The following HOMER2 variants were observed in gnomAD, a reference collection of about 807,000 sequenced individuals.
HOMER2 encodes homer protein homolog 2.
HOMER2 carries 27 observed loss-of-function variants against 47.0 expected under a neutral mutation model. The ratio of observed to expected loss-of-function variants is 0.57; its 90% CI spans 0.42 to 0.79. HOMER2 has a LOEUF of 0.79. HOMER2 is among the 30% of genes least tolerant of loss of function. The pLI, the probability that HOMER2 is intolerant of heterozygous loss-of-function variation, is 0.00. For missense variants in HOMER2, 443 were observed against 435.0 expected, an observed-to-expected ratio of 1.02 and a Z score of -0.16; for synonymous variants, 161 against 163.8, an observed-to-expected ratio of 0.98 and a Z score of 0.13.
chr15:82,984,914 G>A (rs182147145), intron 1 of HOMER2, among the ~76,000 whole-genome samples: 1 of 152,272 alleles, frequency 6.6e-6, no homozygotes, highest in East Asian at 1.9e-4. Flanking sequence ...TTTAATAGGG[G>A]GAAAGACTTG....
At chr15:82,868,541 A>ATT (rs10678643) in intron 3 of HOMER2, among the ~76,000 whole-genome samples, 19 of 71,264 alleles carry the variant, frequency 2.7e-4, no homozygotes, top group African/African-American at 8.0e-4. Context: ...ATATATATAT[A>ATT]TTTTTTTTTT....
chr15:82,858,929 T>C, intron 5 of HOMER2, 100 bp downstream of exon 5: 1 of 1,408,990 alleles, frequency 7.1e-7, no homozygotes, highest in Non-Finnish European at 9.6e-7. Context: ...CAGGTCCCAG[T>C]TTTCTCTCCC....
At chr15:82,856,779 TCAGATCACA>T (rs2051602113) in intron 5 of HOMER2, among the ~76,000 whole-genome samples, 1 of 152,072 alleles carries the variant, frequency 6.6e-6, no homozygotes, top group South Asian at 2.1e-4. Context: ...AATTCCTAGG[TCAGATCACA>T]GCCGGGCCAG....
chr15:82,924,262 G>C (rs2053803305), intron 1 of HOMER2, among the ~76,000 whole-genome samples: 2 of 151,982 alleles, frequency 1.3e-5, no homozygotes, highest in African/African-American at 4.8e-5. Flanking sequence ...GGATCTTCTA[G>C]AGTTTATTCT....
At chr15:82,980,408 G>A (rs1223243380) in intron 1 of HOMER2, among the ~76,000 whole-genome samples, 1 of 152,098 alleles carries the variant, frequency 6.6e-6, no homozygotes, top group African/African-American at 2.4e-5. Context: ...TGTTTACCCT[G>A]ACCTGCCTTT....
rs1343178685 is a variant in HOMER2, at chr15:82,952,603, C to G, written c.-68G>C. On this transcript the variant is annotated 5_prime_UTR_variant, in exon 1 of 9. Transcript: ENST00000450735. ...GCTCGCTCTCCGCCCGCTCGGCAGCCGCTCCCCGCGCGGCACATGCGGCGG... is the reference window on the plus strand; with the variant it reads ...GCTCGCTCTCCGCCCGCTCGGCAGCGGCTCCCCGCGCGGCACATGCGGCGG... 24 of 1,104,164 alleles carry G rather than the reference C, an allele frequency of 2.2e-5. No homozygotes were observed. Among genetic ancestry groups the G allele is most frequent in the Non-Finnish European group, 2.4e-5 (22 of 907,298 alleles). The allele number at this position is 1,104,164 out of a possible 1,614,324, so 68.4% of individuals were successfully genotyped here.
chr15:82,925,101 G>T (rs1014288285), intron 1 of HOMER2, among the ~76,000 whole-genome samples: 1 of 152,140 alleles, frequency 6.6e-6, no homozygotes, highest in African/African-American at 2.4e-5. Context: ...GTCATCTCAG[G>T]CCTTAAGGAA....
At chr15:82,857,107 C>T (rs144034951) in intron 5 of HOMER2, among the ~76,000 whole-genome samples, 22 of 151,512 alleles carry the variant, frequency 1.5e-4, no homozygotes, top group African/African-American at 4.8e-4. Context: ...TCTTAGGAGG[C>T]GGGGGGGCGG....
At chr15:82,896,313 GAGA>G (rs2052916762) in intron 1 of HOMER2, among the ~76,000 whole-genome samples, 1 of 152,182 alleles carries the variant, frequency 6.6e-6, no homozygotes, top group African/African-American at 2.4e-5. Context: ...ACAGGGAGCC[GAGA>G]AGATGGCAGA....
intron 1 of HOMER2, chr15:82,926,683 C>T (rs1413078494): frequency 6.6e-6 from 1 of 152,054 alleles, no homozygotes; most frequent in Non-Finnish European, 1.5e-5. Context: ...GCAAGACTGT[C>T]TTCAAAAAGA....
chr15:82,855,651 G>C (rs111276536), intron 5 of HOMER2, among the ~76,000 whole-genome samples: 77 of 152,354 alleles, frequency 5.1e-4, no homozygotes, highest in African/African-American at 1.8e-3. Context: ...AGACAGGAGA[G>C]AGTGACCAGG....
At chr15:82,949,009 G>T (rs751932588) in intron 1 of HOMER2, among the ~76,000 whole-genome samples, 9 of 152,214 alleles carry the variant, frequency 5.9e-5, no homozygotes, top group Non-Finnish European at 8.8e-5. Flanking sequence ...ATGCACTCCA[G>T]ATATATCCCG....
intron 1 of HOMER2, among the ~76,000 whole-genome samples, chr15:82,960,128 T>A (rs765033276): frequency 6.6e-6 from 1 of 151,632 alleles, no homozygotes; most frequent in Non-Finnish European, 1.5e-5. Context: ...TAGGGATGAG[T>A]TAAGAAAATG....
At chr15:82,868,475 A>AT (rs2052051150) in intron 3 of HOMER2, among the ~76,000 whole-genome samples, 1 of 138,794 alleles carries the variant, frequency 7.2e-6, no homozygotes, top group African/African-American at 2.7e-5. Context: ...AAAAATATAT[A>AT]TTTTTTAACT....
chr15:82,870,162 G>C (rs550047009), intron 3 of HOMER2, among the ~76,000 whole-genome samples: 2 of 152,276 alleles, frequency 1.3e-5, no homozygotes, highest in East Asian at 3.9e-4. Flanking sequence ...ACTACTGTTT[G>C]TTTATTCAAA....
intron 1 of HOMER2, among the ~76,000 whole-genome samples, chr15:82,908,095 G>A (rs2053340690): frequency 6.6e-6 from 1 of 151,966 alleles, no homozygotes. Flanking sequence ...TCCAAGCACA[G>A]GAAGCCAGGG....
chr15:82,962,390 C>G (rs949932586), intron 1 of HOMER2, among the ~76,000 whole-genome samples: 1 of 145,108 alleles, frequency 6.9e-6, no homozygotes, highest in African/African-American at 2.6e-5. Context: ...AAAAAAATGT[C>G]CAGAGGCCGG....
chr15:82,940,497 A>G (rs1183913892), intron 1 of HOMER2, among the ~76,000 whole-genome samples: 4 of 152,218 alleles, frequency 2.6e-5, no homozygotes, highest in Admixed American at 1.3e-4. Flanking sequence ...TAATCCCAGC[A>G]CTTTGGGAGG....
In HOMER2 at chr15:82,851,339, C is replaced by T. The variant is rs41310976; in HGVS notation, c.763-108G>A. 4.6e-4 allele frequency: 339 copies of T among 732,920 alleles called. 1 individual carries two copies. The highest frequency in any genetic ancestry group is 3.2e-3 in the East Asian group (118 of 37,244). 45.4% of individuals were successfully genotyped at this position (732,920 alleles called of 1,614,324 possible). On this transcript the variant is annotated intron_variant, in intron 7 of 8. Transcript: ENST00000450735. ...GTGGAAGCAGCTTTGGGACCCTGTC[C>T]TGTTTGCATAGACAGTGATAGTGAC...
Sources: allele counts gnomAD v4.1 joint callset (sites outside exome capture counted in the v4.1 genomes callset), GRCh38; gene constraint gnomAD v4.1.1; transcripts MANE v1.5; gene names NCBI Gene and HGNC (gene_info 2026-07-23, HGNC 2026-07-21).